The following FAAH2 variants were observed in gnomAD, a reference collection of about 807,000 sequenced individuals.
The protein encoded by FAAH2 is fatty acid amide hydrolase 2.
FAAH2 carries 60 observed loss-of-function variants against 36.9 expected under a neutral mutation model. That is an observed-to-expected ratio of 1.63 (90% CI 1.32 to 2.02). FAAH2 has a LOEUF of 2.02. Among genes scored for constraint, FAAH2 ranks in the 30% most tolerant of loss-of-function variants. The pLI, the probability that FAAH2 is intolerant of heterozygous loss-of-function variation, is 0.00. For synonymous variants in FAAH2, 214 were observed against 143.8 expected, an observed-to-expected ratio of 1.49 and a Z score of -3.49; for missense variants, 689 against 397.5, an observed-to-expected ratio of 1.73 and a Z score of -6.23.
chrX:57,480,834 C>A (rs927426136), intron 10 of FAAH2, among the ~76,000 whole-genome samples: 3 of 111,254 alleles, frequency 2.7e-5, no homozygotes, highest in Admixed American at 9.6e-5. Context: ...AGTGTGCTGT[C>A]TAACTTGATT....
At chrX:57,285,699 G>A (rs967366766), upstream of FAAH2, among the ~76,000 whole-genome samples, 9 of 111,717 alleles carry the variant, frequency 8.1e-5, no homozygotes, top group African/African-American at 2.6e-4. Context: ...TAGCATGTGA[G>A]GGATAGAAGG....
intron 7 of FAAH2, among the ~76,000 whole-genome samples, chrX:57,420,202 G>A (rs1353862108): frequency 5.2e-4 from 55 of 105,522 alleles, no homozygotes; most frequent in Admixed American, 4.2e-4. Context: ...GGCGATGTGG[G>A]CTCTTTTTTG....
At chrX:57,383,089 C>T (rs1225524448) in intron 7 of FAAH2, among the ~76,000 whole-genome samples, 4 of 111,648 alleles carry the variant, frequency 3.6e-5, no homozygotes, top group Non-Finnish European at 7.5e-5. Context: ...ATGATTATCT[C>T]AATAGATGCA....
chrX:57,285,772 TA>T (rs2051801137), upstream of FAAH2, among the ~76,000 whole-genome samples: 1 of 112,051 alleles, frequency 8.9e-6, no homozygotes, highest in Non-Finnish European at 1.9e-5. Context: ...CTGGACAAAG[TA>T]GATGGGTCTT....
the FAAH2 span, among the ~76,000 whole-genome samples, chrX:57,236,113 C>T: frequency 8.9e-6 from 1 of 111,964 alleles, no homozygotes; most frequent in South Asian, 3.7e-4. Context: ...TTCTGTGCCT[C>T]GCTTATTTTC....
chrX:57,313,864 A>C (rs2052762645), intron 3 of FAAH2, among the ~76,000 whole-genome samples: 1 of 111,298 alleles, frequency 9.0e-6, no homozygotes, highest in East Asian at 2.8e-4. Flanking sequence ...TATAACAAAC[A>C]GCTAATAGCA....
At chrX:57,133,594 A>C in the FAAH2 span, among the ~76,000 whole-genome samples, 3 of 111,590 alleles carry the variant, frequency 2.7e-5, no homozygotes, top group Admixed American at 2.8e-4. Context: ...TGAGGGCCCT[A>C]ATCCTCACGT....
intron 8 of FAAH2, among the ~76,000 whole-genome samples, chrX:57,433,397 T>A (rs1479080186): frequency 8.9e-6 from 1 of 111,786 alleles, no homozygotes; most frequent in East Asian, 2.8e-4. Flanking sequence ...TTAAAATAGG[T>A]AGAAAAGGGA....
the FAAH2 span, among the ~76,000 whole-genome samples, chrX:57,159,548 T>C: frequency 1.2e-3 from 131 of 110,679 alleles, no homozygotes; most frequent in African/African-American, 4.2e-3. Flanking sequence ...CTTGAAGAGG[T>C]CCTTCACATC....
At chrX:57,426,351 T>A (rs760887676) in intron 7 of FAAH2, among the ~76,000 whole-genome samples, 1 of 111,555 alleles carries the variant, frequency 9.0e-6, no homozygotes, top group African/African-American at 3.2e-5. Context: ...ACACAGATTA[T>A]CAAGCCAGAA....
chrX:57,192,794 C>A, the FAAH2 span, among the ~76,000 whole-genome samples: 1 of 112,013 alleles, frequency 8.9e-6, no homozygotes, highest in Admixed American at 9.5e-5. Context: ...TTACTGCAGT[C>A]TCTAAAGATA....
intron 2 of FAAH2, among the ~76,000 whole-genome samples, chrX:57,303,134 A>G (rs1228974846): frequency 8.9e-6 from 1 of 111,735 alleles, no homozygotes; most frequent in Non-Finnish European, 1.9e-5. Flanking sequence ...CCTTGGAAAG[A>G]ACAGGACTGG....
the FAAH2 span, among the ~76,000 whole-genome samples, chrX:57,177,230 G>A: frequency 9.1e-6 from 1 of 109,608 alleles, no homozygotes; most frequent in Non-Finnish European, 1.9e-5. Flanking sequence ...AGACACCAGG[G>A]CTGCACTTAC....
At chrX:57,448,417 C>G (rs776338790) in intron 9 of FAAH2, 107 bp from the exon 10 acceptor site, 1 of 738,211 alleles carries the variant, frequency 1.4e-6, no homozygotes, top group South Asian at 3.2e-5. Flanking sequence ...CTTACTTTCT[C>G]AGTGTTCTAT....
chrX:57,208,026 G>T, the FAAH2 span, among the ~76,000 whole-genome samples: 1 of 112,657 alleles, frequency 8.9e-6, no homozygotes, highest in Non-Finnish European at 1.9e-5. Context: ...GATCTGGGGG[G>T]TGTATTCTAA....
At chrX:57,252,112 C>T in the FAAH2 span, among the ~76,000 whole-genome samples, 9 of 112,647 alleles carry the variant, frequency 8.0e-5, no homozygotes, top group South Asian at 3.7e-4. Context: ...GAGCCTTGCT[C>T]GCTGCTAGTG....
intron 10 of FAAH2, among the ~76,000 whole-genome samples, chrX:57,456,496 CA>C (rs1215944165): frequency 9.0e-6 from 1 of 111,677 alleles, no homozygotes; most frequent in Non-Finnish European, 1.9e-5. Flanking sequence ...TCAATGAAAA[CA>C]AGTGTTGCTC....
rs890083340 is a variant in FAAH2, at chrX:57,295,917, C to T, written c.275+3337C>T. 2.7e-5 allele frequency among the ~76,000 whole-genome samples: 3 copies of T among 112,509 alleles called. No individual in the cohort carries two copies. The Admixed American group carries it at 2.8e-4, about 11-fold the overall frequency. ...AGCAGCGAGGCTGGGGGAGGGGCGC[C>T]TTTGCTCAGGCTTGAGTAGGTAAAC... On this transcript the variant is annotated intron_variant, in intron 2 of 10. Transcript: ENST00000374900.
chrX:57,269,195 C>T, the FAAH2 span, among the ~76,000 whole-genome samples: 3 of 111,404 alleles, frequency 2.7e-5, no homozygotes, highest in Non-Finnish European at 5.7e-5. Flanking sequence ...AATATATGCA[C>T]CCAACACAGG....
Sources: gnomAD v4.1 joint callset for allele counts (sites outside exome capture counted in the v4.1 genomes callset) on GRCh38, gnomAD v4.1.1 for gene constraint, MANE v1.5 for transcripts, NCBI Gene and HGNC (gene_info 2026-07-23, HGNC 2026-07-21) for gene names.